Variants in ZNF423 observed in about 807,000 individuals in gnomAD.
ZNF423 encodes zinc finger protein 423.
In ZNF423, 12 loss-of-function variants were observed where a neutral mutation model predicts 95.8. That is an observed-to-expected ratio of 0.13 (90% CI 0.08 to 0.20). The LOEUF is 0.20. Among genes scored for constraint, ZNF423 ranks in the 10% least tolerant of loss-of-function variants. ZNF423 has a pLI of 1.00. For missense variants in ZNF423, 1,316 were observed against 1,737.1 expected, an observed-to-expected ratio of 0.76 and a Z score of 4.31; for synonymous variants, 749 against 711.9, an observed-to-expected ratio of 1.05 and a Z score of -0.83.
intron 5 of ZNF423, among the ~76,000 whole-genome samples, chr16:49,535,943 G>C (rs1969041340): frequency 6.6e-6 from 1 of 152,078 alleles, no homozygotes; most frequent in African/African-American, 2.4e-5. Context: ...CAGGCAGGTT[G>C]CAAAACCCTT....
intron 3 of ZNF423, among the ~76,000 whole-genome samples, chr16:49,672,825 T>G (rs1000806954): frequency 6.6e-6 from 1 of 151,822 alleles, no homozygotes; most frequent in African/African-American, 2.4e-5. Context: ...CTCAAAAAAA[T>G]TTAAAAATAA....
chr16:49,679,081 T>C (rs533818757), intron 3 of ZNF423, among the ~76,000 whole-genome samples: 5 of 152,222 alleles, frequency 3.3e-5, no homozygotes, highest in Non-Finnish European at 7.3e-5. Flanking sequence ...TAGCTCGGAC[T>C]ACAGGTGTGT....
chr16:49,549,884 T>C (rs1292013516), intron 5 of ZNF423, among the ~76,000 whole-genome samples: 1 of 152,154 alleles, frequency 6.6e-6, no homozygotes, highest in African/African-American at 2.4e-5. Flanking sequence ...TCCTTCTTTT[T>C]TTTTTTAGAC....
chr16:49,603,281 G>A lies in ZNF423; in HGVS notation c.3601+22889C>T, dbSNP rs1971434276. Among the ~76,000 whole-genome samples, 1 of 152,142 alleles carries A rather than the reference G, an allele frequency of 6.6e-6. No homozygotes were observed. Among genetic ancestry groups the A allele is most frequent in the Non-Finnish European group, 1.5e-5 (1 of 68,026 alleles). ...TATCCTGCAGGCCTGTGTCCTGTGGGGTTCCTGTCACTCAAAGAATCTTGC... is the reference window on the plus strand; with the variant it reads ...TATCCTGCAGGCCTGTGTCCTGTGGAGTTCCTGTCACTCAAAGAATCTTGC... On this transcript the variant is annotated intron_variant, in intron 5 of 7. Coordinates refer to ENST00000563137, the MANE Select transcript of ZNF423 (RefSeq NM_001379286.1). This position sits in a 1 kb window ranked among gnomAD's most constrained non-coding sequence, Gnocchi z 4.1.
chr16:49,724,129 C>T (rs1212108689), intron 3 of ZNF423, among the ~76,000 whole-genome samples: 2 of 152,142 alleles, frequency 1.3e-5, no homozygotes, highest in Admixed American at 6.5e-5. Flanking sequence ...TGAATCTTTC[C>T]ACAAGAATAA....
At chr16:49,774,706 T>C (rs4785347) in intron 2 of ZNF423, among the ~76,000 whole-genome samples, 28,534 of 151,924 alleles carry the variant, frequency 0.19, 2,745 homozygotes, top group South Asian at 0.26. Flanking sequence ...CCTATCGGAA[T>C]AAACCACAGC....
At chr16:49,737,225 G>A (rs1394614575) in intron 2 of ZNF423, among the ~76,000 whole-genome samples, 1 of 150,118 alleles carries the variant, frequency 6.7e-6, no homozygotes, top group Non-Finnish European at 1.5e-5. Flanking sequence ...GTGCCAGGAA[G>A]GGCAGAGAGG....
chr16:49,710,320 C>A (rs529740197), intron 3 of ZNF423, among the ~76,000 whole-genome samples: 3 of 152,300 alleles, frequency 2.0e-5, no homozygotes, highest in Admixed American at 2.0e-4. Flanking sequence ...CCTATCCTTC[C>A]TAAAGTCCTT....
chr16:49,769,711 T>C (rs984255996), intron 2 of ZNF423, among the ~76,000 whole-genome samples: 2 of 151,286 alleles, frequency 1.3e-5, no homozygotes, highest in Admixed American at 1.3e-4. Context: ...GCTCCGTCTT[T>C]CCCCTCTCTC....
chr16:49,746,454 C>T (rs929571078), intron 2 of ZNF423, among the ~76,000 whole-genome samples: 1 of 152,112 alleles, frequency 6.6e-6, no homozygotes, highest in African/African-American at 2.4e-5. Flanking sequence ...ATCTGCTCAC[C>T]TACTGCTATT....
rs566893722 is a variant in ZNF423, at chr16:49,767,005, C to G, written c.100+22482G>C. ...TTTTTTTTAGAGGCAGGGTCTCACT[C>G]TGTTGCCCAAGCTGTAGTGCAGTGG... On this transcript the variant is annotated intron_variant, in intron 2 of 7. Coordinates refer to ENST00000563137, the MANE Select transcript of ZNF423 (RefSeq NM_001379286.1). Among the ~76,000 whole-genome samples, 3 of 150,488 alleles carry G rather than the reference C, an allele frequency of 2.0e-5. No homozygotes were observed. In the Admixed American group the frequency reaches 2.0e-4, roughly 10 times the overall value.
At chr16:49,725,639 G>A (rs887658887) in intron 3 of ZNF423, among the ~76,000 whole-genome samples, 3 of 152,192 alleles carry the variant, frequency 2.0e-5, no homozygotes, top group Non-Finnish European at 2.9e-5. Flanking sequence ...GACTGTGTGG[G>A]CGTGGGGGCT....
intron 7 of ZNF423, 128 bp downstream of exon 7, chr16:49,523,496 G>T: frequency 2.7e-6 from 2 of 738,270 alleles, no homozygotes; most frequent in Non-Finnish European, 4.5e-6. Context: ...CTAGCCAGGA[G>T]GTCAGCCCCT....
chr16:49,523,808 C>A, intron 6 of ZNF423, 69 bp from the exon 7 acceptor site: 1 of 1,285,168 alleles, frequency 7.8e-7, no homozygotes, highest in Non-Finnish European at 1.1e-6. Context: ...CAGCTGCCCC[C>A]ACAACACTCG....
At chr16:49,542,956 G>A (rs937919508) in intron 5 of ZNF423, among the ~76,000 whole-genome samples, 1 of 152,134 alleles carries the variant, frequency 6.6e-6, no homozygotes, top group Non-Finnish European at 1.5e-5. Context: ...CTAGTGGAGT[G>A]GAAATGTTCT....
chr16:49,512,059 C>T lies in ZNF423; in HGVS notation c.3849+11565G>A, dbSNP rs188055293. On this transcript the variant is annotated intron_variant, in intron 7 of 7. Transcript: ENST00000563137. Reference sequence around the variant, plus strand: ...CTATACTATATACTATACCATATTACATCACATTATATTATATTCCACAAA... The same window carrying T: ...CTATACTATATACTATACCATATTATATCACATTATATTATATTCCACAAA... 3.2e-4 allele frequency among the ~76,000 whole-genome samples: 48 copies of T among 152,286 alleles called. No homozygotes were observed. The East Asian group carries it at 8.7e-3, about 28-fold the overall frequency.
chr16:49,619,589 A>C (rs971079184), intron 5 of ZNF423, among the ~76,000 whole-genome samples: 13 of 151,890 alleles, frequency 8.6e-5, no homozygotes, highest in African/African-American at 3.1e-4. Flanking sequence ...GGCAACGAAA[A>C]AAAAAAGAAT....
intron 1 of ZNF423, among the ~76,000 whole-genome samples, chr16:49,803,953 T>TTA (rs2034620762): frequency 1.2e-5 from 1 of 83,096 alleles, no homozygotes; most frequent in Non-Finnish European, 2.5e-5. Context: ...TTTTTTTTTT[T>TTA]TTGACAGAGT....
Position 49,637,253 on chromosome 16 carries a change from A to C in ZNF423, c.1923T>G (p.Pro641=). The C allele has an allele frequency of 1.2e-6, 2 of 1,614,156 alleles. No homozygotes were observed. The highest frequency in any genetic ancestry group is 1.7e-6 in the Non-Finnish European group (2 of 1,180,040). Residue 641 remains proline (P), a synonymous_variant, in exon 4 of 8, where the codon CCT becomes CCG. Transcript: ENST00000563137. This position sits in a 1 kb window ranked among gnomAD's most constrained non-coding sequence, Gnocchi z 5.6. ...SANSISNGEY[P]CNQCDLKFSN... is the part of the protein sequence containing the mutation. ...AGAACTTGAGGTCGCATTGATTGCA[A>C]GGATACTCCCCATTGGAGATGGAGT...
Sources: gnomAD v4.1 joint callset for allele counts (sites outside exome capture counted in the v4.1 genomes callset) on GRCh38, gnomAD v4.1.1 for gene constraint, Gnocchi (gnomAD v3.1) non-coding constraint, MANE v1.5 for transcripts, NCBI Gene and HGNC (gene_info 2026-07-23, HGNC 2026-07-21) for gene names.